KCNMA1: variants seen among roughly 807,000 people sequenced by gnomAD.
KCNMA1 encodes the protein potassium calcium-activated channel subfamily M alpha 1.
Under a neutral mutation model 140.0 loss-of-function variants are expected in KCNMA1, and 29 were observed. That is an observed-to-expected ratio of 0.21 (90% CI 0.15 to 0.28). The LOEUF (loss-of-function observed/expected upper bound fraction) is 0.28, where lower values mean the gene tolerates loss of function less well. KCNMA1 is among the 10% of genes least tolerant of loss of function. The pLI is 1.00. For synonymous variants in KCNMA1, 612 were observed against 611.9 expected (o/e 1.00, Z 0.00); for missense variants, 880 against 1,602.2 (o/e 0.55, Z 7.70).
At chr10:77,076,176 GA>G (rs1555206607) in intron 13 of KCNMA1, among the ~76,000 whole-genome samples, 1 of 150,726 alleles carries the variant, frequency 6.6e-6, no homozygotes, top group Non-Finnish European at 1.5e-5. Context: ...GTGGACAGTG[GA>G]AAAAAAAAGC....
At position 77,297,013 on chromosome 10, in the gene KCNMA1, T is replaced by C. The variant is rs377485949; in HGVS notation, c.541-45757A>G. On this transcript the variant is annotated intron_variant, in intron 2 of 27. Coordinates refer to ENST00000286628, the MANE Select transcript of KCNMA1 (RefSeq NM_001161352.2). Reference sequence around the variant, plus strand: ...CTTCCCCCAGCCTTTGAATCATTAATCTGGTTGTACCCAAGACATCCAACA... The same window carrying C: ...CTTCCCCCAGCCTTTGAATCATTAACCTGGTTGTACCCAAGACATCCAACA... 2.1e-4 allele frequency among the ~76,000 whole-genome samples: 32 copies of C among 152,154 alleles called. No homozygotes were observed. In the East Asian group the frequency reaches 3.1e-3, roughly 15 times the overall value.
At chr10:77,245,747 T>C (rs2058408227) in intron 3 of KCNMA1, among the ~76,000 whole-genome samples, 1 of 151,968 alleles carries the variant, frequency 6.6e-6, no homozygotes, top group East Asian at 1.9e-4. Flanking sequence ...CAAGGACAGA[T>C]TAGGTAAGGA....
chr10:77,285,625 G>A (rs1374740011), intron 2 of KCNMA1, among the ~76,000 whole-genome samples: 3 of 152,100 alleles, frequency 2.0e-5, no homozygotes, highest in Non-Finnish European at 2.9e-5. Flanking sequence ...ATTTGCCCCA[G>A]GTAGTAAACT....
intron 5 of KCNMA1, among the ~76,000 whole-genome samples, chr10:77,151,133 TTTCTTTC>T (rs1239148717): frequency 6.6e-6 from 1 of 151,574 alleles, no homozygotes; most frequent in African/African-American, 2.4e-5. Flanking sequence ...TCTTCCTTCC[TTTCTTTC>T]TTCTTTCTTT....
chr10:77,161,568 T>C (rs2098554907), intron 5 of KCNMA1, among the ~76,000 whole-genome samples: 1 of 152,178 alleles, frequency 6.6e-6, no homozygotes, highest in Non-Finnish European at 1.5e-5. Flanking sequence ...AGTTACTGCA[T>C]TGCACCAGCC....
At chr10:76,915,107 A>T in intron 23 of KCNMA1, 58 bp from the exon 24 acceptor site, 2 of 1,258,648 alleles carry the variant, frequency 1.6e-6, no homozygotes. Flanking sequence ...ATTTGGAAAT[A>T]ATCAGAGTAC....
intron 1 of KCNMA1, among the ~76,000 whole-genome samples, chr10:77,633,643 C>T (rs11598189): frequency 0.31 from 47,562 of 152,074 alleles, 8,021 homozygotes; most frequent in Admixed American, 0.35. Flanking sequence ...AGTCACGAGC[C>T]TGACAGAGAA....
chr10:76,955,551 C>G (rs1429809881), intron 20 of KCNMA1, among the ~76,000 whole-genome samples: 1 of 152,166 alleles, frequency 6.6e-6, no homozygotes, highest in Non-Finnish European at 1.5e-5. Flanking sequence ...TCTGTCATAT[C>G]TGATCTTAAA....
rs150996152 is a variant in KCNMA1, at chr10:76,953,658, A to C, written c.2484+143T>G. 1.3e-5 allele frequency: 13 copies of C among 995,956 alleles called. 1 individual carries two copies. In the African/African-American group the frequency reaches 2.0e-4, roughly 16 times the overall value. The allele number at this position is 995,956 out of a possible 1,614,324, so 61.7% of individuals were successfully genotyped here. A position where few individuals can be genotyped will look rare whatever the true frequency, so the allele number is the denominator to read the frequency against. ...TCTGATCAGAGGTCTAGCTGCTTCA[A>C]TCTATGCTCAGAATTTCACTCATCA... On this transcript the variant is annotated intron_variant, in intron 21 of 27. Transcript: ENST00000286628.
intron 3 of KCNMA1, among the ~76,000 whole-genome samples, chr10:77,239,321 C>T (rs1411498445): frequency 6.6e-6 from 1 of 152,182 alleles, no homozygotes; most frequent in Non-Finnish European, 1.5e-5. Context: ...TCTCTGGGGC[C>T]TCAAGATCAA....
intron 2 of KCNMA1, among the ~76,000 whole-genome samples, chr10:77,376,932 C>G (rs2095148501): frequency 1.3e-5 from 1 of 78,936 alleles, no homozygotes; most frequent in Non-Finnish European, 2.9e-5. Flanking sequence ...AGCAAGATTC[C>G]CTCTCAAAAT....
chr10:77,460,182 C>A (rs1198197535), intron 1 of KCNMA1, among the ~76,000 whole-genome samples: 1 of 152,178 alleles, frequency 6.6e-6, no homozygotes, highest in Non-Finnish European at 1.5e-5. Flanking sequence ...ATGATTCCTG[C>A]TCTACAGTGA....
intron 1 of KCNMA1, among the ~76,000 whole-genome samples, chr10:77,561,875 A>C (rs556102479): frequency 7.8e-4 from 119 of 152,340 alleles, no homozygotes; most frequent in African/African-American, 2.8e-3. Context: ...TGGCCACTGC[A>C]AACAGCCAAG....
At chr10:77,367,844 G>A (rs2154407687) in intron 2 of KCNMA1, among the ~76,000 whole-genome samples, 1 of 152,290 alleles carries the variant, frequency 6.6e-6, no homozygotes, top group Admixed American at 6.5e-5. Flanking sequence ...TGAGCAAAAT[G>A]TTGTTGAGAT....
At chr10:77,430,406 A>T (rs561528076) in intron 1 of KCNMA1, among the ~76,000 whole-genome samples, 1 of 152,210 alleles carries the variant, frequency 6.6e-6, no homozygotes, top group Non-Finnish European at 1.5e-5. Context: ...TAAATACTGA[A>T]GTTCTCAAAA....
chr10:77,178,549 A>G (rs2098774076), intron 5 of KCNMA1, among the ~76,000 whole-genome samples: 1 of 152,146 alleles, frequency 6.6e-6, no homozygotes, highest in South Asian at 2.1e-4. Context: ...TACTAAAAAT[A>G]CAAACATTAG....
intron 2 of KCNMA1, among the ~76,000 whole-genome samples, chr10:77,382,408 G>A: frequency 6.6e-6 from 1 of 152,172 alleles, no homozygotes; most frequent in East Asian, 1.9e-4. Context: ...GAAGCAGCTT[G>A]TCCAAGATGA....
At chr10:77,124,220 G>A (rs1376269929) in intron 5 of KCNMA1, among the ~76,000 whole-genome samples, 2 of 152,150 alleles carry the variant, frequency 1.3e-5, no homozygotes, top group East Asian at 3.9e-4. Context: ...CAAACAACCT[G>A]AACTTCAAAC....
rs184894600 is a variant in KCNMA1, at chr10:77,481,938, A to G, written c.379-77915T>C. Among the ~76,000 whole-genome samples, 21 of 152,340 alleles carry G rather than the reference A, an allele frequency of 1.4e-4. No homozygotes were observed. In the East Asian group the frequency reaches 4.1e-3, roughly 29 times the overall value. On this transcript the variant is annotated intron_variant, in intron 1 of 27. Coordinates refer to ENST00000286628, the MANE Select transcript of KCNMA1 (RefSeq NM_001161352.2). ...AGGGCTATCCACAACTGAAGTATAG[A>G]CAGTGGGTGAGGAAACATGAACCAA...
Sources: allele counts gnomAD v4.1 joint callset (sites outside exome capture counted in the v4.1 genomes callset), GRCh38; gene constraint gnomAD v4.1.1; transcripts MANE v1.5; gene names NCBI Gene and HGNC (gene_info 2026-07-23, HGNC 2026-07-21).